The following POU6F2 variants were observed in gnomAD, a reference collection of about 807,000 sequenced individuals.
The protein encoded by POU6F2 is POU class 6 homeobox 2.
In POU6F2, 31 loss-of-function variants were observed where a neutral mutation model predicts 71.3. The ratio of observed to expected loss-of-function variants is 0.43; its 90% CI spans 0.33 to 0.59. The LOEUF (loss-of-function observed/expected upper bound fraction) is 0.59. Ranked by LOEUF, POU6F2 falls within the 20% of genes least tolerant of loss-of-function variation. The pLI is 0.04. For missense variants in POU6F2, 783 were observed against 856.8 expected (o/e 0.91, Z 1.07); for synonymous variants, 347 against 355.7 (o/e 0.98, Z 0.27).
intron 1 of POU6F2, among the ~76,000 whole-genome samples, chr7:38,993,892 G>A (rs1477576823): frequency 6.6e-6 from 1 of 152,020 alleles, no homozygotes; most frequent in Non-Finnish European, 1.5e-5. Context: ...GCAAAATTTA[G>A]CTCAGTCATT....
At chr7:39,141,121 G>C (rs1792490060) in intron 2 of POU6F2, among the ~76,000 whole-genome samples, 1 of 152,138 alleles carries the variant, frequency 6.6e-6, no homozygotes, top group Admixed American at 6.6e-5. Flanking sequence ...AAACATTCAG[G>C]GGGTTGTGTT....
At chr7:39,037,539 A>G (rs922922097) in intron 1 of POU6F2, among the ~76,000 whole-genome samples, 1 of 152,102 alleles carries the variant, frequency 6.6e-6, no homozygotes, top group Middle Eastern at 3.4e-3. Flanking sequence ...AAAGGCATTT[A>G]TTGTGGCTAT....
At chr7:39,289,609 C>G (rs1001821319) in intron 4 of POU6F2, among the ~76,000 whole-genome samples, 5 of 152,142 alleles carry the variant, frequency 3.3e-5, no homozygotes, top group Non-Finnish European at 7.3e-5. Context: ...GTTTGAAATT[C>G]TAGTGTAGCT....
At chr7:38,995,960 G>T (rs1385527452) in intron 1 of POU6F2, among the ~76,000 whole-genome samples, 1 of 150,788 alleles carries the variant, frequency 6.6e-6, no homozygotes, top group African/African-American at 2.4e-5. Context: ...AGAAATGGAA[G>T]TGCTCATCCA....
chr7:39,082,451 G>A (rs1791140191), intron 1 of POU6F2, among the ~76,000 whole-genome samples: 1 of 152,208 alleles, frequency 6.6e-6, no homozygotes, highest in Non-Finnish European at 1.5e-5. Context: ...CTTCTCACCT[G>A]CACTAGCTAC....
chr7:39,408,230 T>C (rs1583579916), intron 6 of POU6F2, among the ~76,000 whole-genome samples: 1 of 152,364 alleles, frequency 6.6e-6, no homozygotes, highest in East Asian at 1.9e-4. Flanking sequence ...ATGTAAATTT[T>C]AGGAGTTCAA....
At chr7:39,412,188 C>T (rs944047928) in intron 6 of POU6F2, among the ~76,000 whole-genome samples, 13 of 152,232 alleles carry the variant, frequency 8.5e-5, no homozygotes, top group South Asian at 2.1e-4. Context: ...ATATTTGTTG[C>T]GGGGTTAAAT....
chr7:39,063,773 GA>G (rs148306887), intron 1 of POU6F2, among the ~76,000 whole-genome samples: 38,314 of 151,204 alleles, frequency 0.25, 5,006 homozygotes, highest in South Asian at 0.38. Context: ...ATGAAGCAAG[GA>G]AAAAAAATAT....
At chr7:39,346,794 C>T (rs1290136835) in intron 5 of POU6F2, among the ~76,000 whole-genome samples, 1 of 152,226 alleles carries the variant, frequency 6.6e-6, no homozygotes, top group African/African-American at 2.4e-5. Flanking sequence ...CTTGTAGCTT[C>T]AATTCATTTC....
chr7:39,102,647 T>C (rs1791599375), intron 2 of POU6F2, among the ~76,000 whole-genome samples: 1 of 152,180 alleles, frequency 6.6e-6, no homozygotes, highest in Non-Finnish European at 1.5e-5. Context: ...TGTTTATATA[T>C]GTATGCATGT....
chr7:39,207,580 A>C lies in POU6F2; in HGVS notation c.558A>C (p.Ala186=), dbSNP rs1554332068. ...TNIQGLVAAA[A]AGGIMTLPLQ... is the part of the protein sequence containing the mutation. ...TCCAAGGGCTGGTGGCAGCAGCTGC[A>C]GCCGGAGGCATTATGACTCTGCCAC... is the stretch of plus-strand genomic sequence containing the variant. The change falls in exon 4 of 10, where the codon GCA becomes GCC. Residue 186 remains alanine, a synonymous_variant. Coordinates refer to ENST00000518318, the MANE Select transcript of POU6F2 (RefSeq NM_001370959.1). The C allele has an allele frequency of 1.9e-6, 3 of 1,614,018 alleles. No homozygotes were observed. The highest frequency in any genetic ancestry group is 2.2e-5 in the East Asian group (1 of 44,876).
chr7:39,370,038 A>G (rs1786578092), intron 5 of POU6F2, among the ~76,000 whole-genome samples: 1 of 152,184 alleles, frequency 6.6e-6, no homozygotes, highest in Non-Finnish European at 1.5e-5. Context: ...GAGTGTAAAC[A>G]TAACTTTCAT....
chr7:39,192,356 C>T (rs1479968263), intron 2 of POU6F2, among the ~76,000 whole-genome samples: 1 of 152,090 alleles, frequency 6.6e-6, no homozygotes, highest in Non-Finnish European at 1.5e-5. Flanking sequence ...TTTCATTCCC[C>T]TAATTTAAAG....
intron 1 of POU6F2, among the ~76,000 whole-genome samples, chr7:39,012,874 C>T (rs1013066494): frequency 3.3e-5 from 5 of 152,174 alleles, no homozygotes; most frequent in African/African-American, 9.7e-5. Context: ...AGGAGGCAGT[C>T]TGCCGGTTCT....
intron 6 of POU6F2, among the ~76,000 whole-genome samples, chr7:39,432,303 G>T (rs28473216): frequency 4.0e-5 from 6 of 151,892 alleles, no homozygotes; most frequent in Admixed American, 1.3e-4. Context: ...CTCACCTTTA[G>T]GCCCTGGCTT....
intron 7 of POU6F2, 96 bp from the exon 8 acceptor site, chr7:39,451,437 T>A: frequency 7.9e-7 from 1 of 1,272,100 alleles, no homozygotes; most frequent in Non-Finnish European, 1.1e-6. Context: ...TTCTTGGAAA[T>A]AAAATGATTC....
At chr7:39,184,154 A>G (rs983566039) in intron 2 of POU6F2, among the ~76,000 whole-genome samples, 1 of 152,242 alleles carries the variant, frequency 6.6e-6, no homozygotes, top group African/African-American at 2.4e-5. Context: ...AAATAGGCCA[A>G]TAAATTATGG....
intron 4 of POU6F2, among the ~76,000 whole-genome samples, chr7:39,267,700 G>A (rs985864373): frequency 9.2e-5 from 14 of 151,398 alleles, no homozygotes; most frequent in East Asian, 1.9e-4. Flanking sequence ...AAACTCCTAC[G>A]CTCAAGGGAT....
At chr7:39,266,198 A>T (rs943775054) in intron 4 of POU6F2, among the ~76,000 whole-genome samples, 3 of 152,098 alleles carry the variant, frequency 2.0e-5, no homozygotes, top group Admixed American at 2.0e-4. Flanking sequence ...GCCACAGGAG[A>T]TTTTTAAAAA....
Sources: gnomAD v4.1 joint callset for allele counts (sites outside exome capture counted in the v4.1 genomes callset) on GRCh38, gnomAD v4.1.1 for gene constraint, MANE v1.5 for transcripts, NCBI Gene and HGNC (gene_info 2026-07-23, HGNC 2026-07-21) for gene names.